The following SLC25A21 variants were observed in gnomAD, a reference collection of about 807,000 sequenced individuals.
SLC25A21 encodes the protein solute carrier family 25 member 21.
A neutral mutation model predicts 43.8 loss-of-function variants in SLC25A21; 47 were observed. The ratio of observed to expected loss-of-function variants is 1.07; its 90% CI spans 0.85 to 1.37. The LOEUF is 1.37. Ranked by LOEUF, SLC25A21 falls within the 40% of genes most tolerant of loss-of-function variation. SLC25A21 has a pLI of 0.00. For missense variants in SLC25A21, 352 were observed against 350.2 expected (o/e 1.00, Z -0.04); for synonymous variants, 131 against 121.3 (o/e 1.08, Z -0.52).
chr14:36,874,185 A>T (rs1256639795), intron 2 of SLC25A21, among the ~76,000 whole-genome samples: 1 of 152,208 alleles, frequency 6.6e-6, no homozygotes, highest in Non-Finnish European at 1.5e-5. Context: ...TAATTGAGGC[A>T]GTAATGGTTT....
intron 1 of SLC25A21, among the ~76,000 whole-genome samples, chr14:37,089,290 A>T (rs1038870767): frequency 6.6e-6 from 1 of 152,136 alleles, no homozygotes; most frequent in African/African-American, 2.4e-5. Flanking sequence ...ATATATATAT[A>T]TTTTCTACAG....
At chr14:36,985,577 A>C (rs1290289030) in intron 1 of SLC25A21, among the ~76,000 whole-genome samples, 1 of 152,088 alleles carries the variant, frequency 6.6e-6, no homozygotes, top group African/African-American at 2.4e-5. Flanking sequence ...GGGTTTCTAT[A>C]GTCTTTCTTT....
At chr14:36,857,247 C>T (rs1370555660) in intron 2 of SLC25A21, among the ~76,000 whole-genome samples, 1 of 152,188 alleles carries the variant, frequency 6.6e-6, no homozygotes, top group Non-Finnish European at 1.5e-5. Context: ...CTCTGGAGGG[C>T]AGGCCCAACA....
intron 7 of SLC25A21, among the ~76,000 whole-genome samples, chr14:36,689,497 GAAGT>G (rs1204629262): frequency 6.6e-6 from 1 of 152,188 alleles, no homozygotes; most frequent in African/African-American, 2.4e-5. Flanking sequence ...ATATGTTTAT[GAAGT>G]AAGGAAAGGG....
Position 36,712,905 on chromosome 14 carries a change from T to G in SLC25A21, c.439-1423A>C, listed in dbSNP as rs78800181. On this transcript the variant is annotated intron_variant, in intron 6 of 9. Coordinates refer to ENST00000331299, the MANE Select transcript of SLC25A21 (RefSeq NM_030631.4). The stretch of plus-strand genomic sequence containing the variant: ...ATTATTTTTTGGTTTTCAAAAGAGA[T>G]AGGACAAGTTGAGCAGAAACTCATT... Among the ~76,000 whole-genome samples, 164 of 152,290 alleles carry G rather than the reference T, an allele frequency of 1.1e-3. 1 individual carries two copies. Among genetic ancestry groups the G allele is most frequent in the African/African-American group, 3.8e-3 (158 of 41,578 alleles).
chr14:37,016,021 T>C (rs1346137957), intron 1 of SLC25A21, among the ~76,000 whole-genome samples: 1 of 151,814 alleles, frequency 6.6e-6, no homozygotes, highest in Non-Finnish European at 1.5e-5. Context: ...TAGTTTCTTT[T>C]GCTGTGCAGA....
intron 1 of SLC25A21, among the ~76,000 whole-genome samples, chr14:37,043,828 G>A (rs900982614): frequency 2.0e-5 from 3 of 151,926 alleles, no homozygotes; most frequent in Non-Finnish European, 2.9e-5. Context: ...TCGAATTCCT[G>A]GACTCAAGTG....
intron 3 of SLC25A21, among the ~76,000 whole-genome samples, chr14:36,781,292 T>C (rs1293777667): frequency 6.6e-6 from 1 of 152,168 alleles, no homozygotes; most frequent in Non-Finnish European, 1.5e-5. Flanking sequence ...TCAGCCACTT[T>C]ACATTCTTTT....
At chr14:37,110,815 C>T (rs955050160) in intron 1 of SLC25A21, among the ~76,000 whole-genome samples, 6 of 152,184 alleles carry the variant, frequency 3.9e-5, no homozygotes, top group African/African-American at 1.4e-4. Flanking sequence ...CTTGAACCAG[C>T]ACTTTTCTTA....
Position 36,956,843 on chromosome 14 carries a change from T to C in SLC25A21, c.71-81839A>G, listed in dbSNP as rs184321017. Among the ~76,000 whole-genome samples the C allele has an allele frequency of 2.0e-5, 3 of 152,362 alleles. No individual in the cohort carries two copies. The East Asian group carries it at 5.8e-4, about 29-fold the overall frequency. ...TATGTTTCAGTATGACAAAAAGAGA[T>C]ACATTCATTTATACATCATGTCATG... On this transcript the variant is annotated intron_variant, in intron 1 of 9. Coordinates refer to ENST00000331299, the MANE Select transcript of SLC25A21 (RefSeq NM_030631.4).
intron 2 of SLC25A21, among the ~76,000 whole-genome samples, chr14:36,814,298 A>G (rs923795939): frequency 5.9e-5 from 9 of 152,240 alleles, no homozygotes; most frequent in South Asian, 2.1e-4. Flanking sequence ...AAGAGCATAC[A>G]CAGATATCGT....
intron 1 of SLC25A21, among the ~76,000 whole-genome samples, chr14:36,999,957 G>C (rs1016511784): frequency 6.6e-6 from 1 of 152,156 alleles, no homozygotes; most frequent in African/African-American, 2.4e-5. Context: ...TACTCCAAAA[G>C]TCTAGAACAA....
At chr14:36,996,825 G>C (rs1374643636) in intron 1 of SLC25A21, among the ~76,000 whole-genome samples, 2 of 152,148 alleles carry the variant, frequency 1.3e-5, no homozygotes, top group African/African-American at 2.4e-5. Context: ...CAGGAATGTG[G>C]TGACAAATAT....
At chr14:36,991,286 T>A (rs1449725134) in intron 1 of SLC25A21, among the ~76,000 whole-genome samples, 1 of 152,154 alleles carries the variant, frequency 6.6e-6, no homozygotes, top group East Asian at 1.9e-4. Flanking sequence ...GACCACCCGA[T>A]TCAAGGTGTC....
rs1239636140 is a variant in SLC25A21, at chr14:37,042,234, G to A, written c.70+130047C>T. ...GCTGCCACATGGCTAGCTGGAAGCC[G>A]AGTTCAGGACATAGCAAACTTTCTA... On this transcript the variant is annotated intron_variant, in intron 1 of 9. Coordinates refer to ENST00000331299, the MANE Select transcript of SLC25A21 (RefSeq NM_030631.4). 2.0e-5 allele frequency among the ~76,000 whole-genome samples: 3 copies of A among 152,156 alleles called. No individual in the cohort carries two copies. In the East Asian group the frequency reaches 5.8e-4, roughly 29 times the overall value.
intron 2 of SLC25A21, among the ~76,000 whole-genome samples, chr14:36,835,768 T>C (rs1889188201): frequency 6.6e-6 from 1 of 152,246 alleles, no homozygotes; most frequent in Non-Finnish European, 1.5e-5. Flanking sequence ...CCTAAAATAA[T>C]AGGTATGTTC....
At chr14:36,784,228 A>T (rs1887171351) in intron 3 of SLC25A21, among the ~76,000 whole-genome samples, 1 of 152,206 alleles carries the variant, frequency 6.6e-6, no homozygotes, top group African/African-American at 2.4e-5. Context: ...CAATTGACAC[A>T]TTTGATCTCC....
chr14:37,111,188 T>C (rs1963013416), intron 1 of SLC25A21, among the ~76,000 whole-genome samples: 1 of 152,114 alleles, frequency 6.6e-6, no homozygotes, highest in Non-Finnish European at 1.5e-5. Flanking sequence ...TAACCAAATT[T>C]ACCAATGAAT....
intron 2 of SLC25A21, among the ~76,000 whole-genome samples, chr14:36,836,967 C>A (rs974416745): frequency 6.6e-6 from 1 of 151,856 alleles, no homozygotes; most frequent in South Asian, 2.1e-4. Context: ...GAAAAGAGAC[C>A]GGATACACCC....
Sources: allele counts gnomAD v4.1 joint callset (sites outside exome capture counted in the v4.1 genomes callset), GRCh38; gene constraint gnomAD v4.1.1; transcripts MANE v1.5; gene names NCBI Gene and HGNC (gene_info 2026-07-23, HGNC 2026-07-21).